MGRN1: variants seen among roughly 807,000 people sequenced by gnomAD.
MGRN1 encodes E3 ubiquitin-protein ligase MGRN1.
MGRN1 carries 29 observed loss-of-function variants against 69.2 expected under a neutral mutation model. The ratio of observed to expected loss-of-function variants is 0.42; its 90% CI spans 0.31 to 0.57. The LOEUF (loss-of-function observed/expected upper bound fraction) is 0.57. MGRN1 is among the 20% of genes least tolerant of loss of function. MGRN1 has a pLI of 0.15. For synonymous variants in MGRN1, 470 were observed against 344.2 expected (o/e 1.37, Z -4.04); for missense variants, 998 against 796.2 (o/e 1.25, Z -3.05).
chr16:4,624,875 G>T lies in MGRN1; in HGVS notation c.-86G>T. ...CGTGGACGAGCGTCCGTGCGGCCTG[G>T]TCCGGGCCATGTCCGCGTGAGGACC... On this transcript the variant is annotated 5_prime_UTR_variant, in exon 1 of 17. Coordinates refer to ENST00000262370, the MANE Select transcript of MGRN1 (RefSeq NM_015246.4). 1 of 1,239,046 alleles carries T rather than the reference G, an allele frequency of 8.1e-7. No individual in the cohort carries two copies. Among genetic ancestry groups the T allele is most frequent in the Non-Finnish European group, 1.1e-6 (1 of 913,286 alleles). The allele number at this position is 1,239,046 out of a possible 1,614,324, so 76.8% of individuals were successfully genotyped here. A position where few individuals can be genotyped will look rare whatever the true frequency, so the allele number is the denominator to read the frequency against.
intron 3 of MGRN1, among the ~76,000 whole-genome samples, chr16:4,652,422 CGACTA>C (rs926695132): frequency 3.3e-5 from 5 of 152,090 alleles, no homozygotes; most frequent in African/African-American, 1.2e-4. Flanking sequence ...CTGCTTAAAC[CGACTA>C]GACTTGAGGC....
At chr16:4,658,128 C>T (rs948857483) in intron 5 of MGRN1, among the ~76,000 whole-genome samples, 1 of 152,106 alleles carries the variant, frequency 6.6e-6, no homozygotes, top group Non-Finnish European at 1.5e-5. Context: ...GGCCCCTCTC[C>T]AGCTTTTAGT....
At chr16:4,651,916 G>T in intron 2 of MGRN1, 47 bp from the exon 3 acceptor site, 2 of 1,564,450 alleles carry the variant, frequency 1.3e-6, no homozygotes, top group Non-Finnish European at 1.8e-6. Context: ...TTCTGTTGTT[G>T]GCTGCTCCTG....
chr16:4,663,941 T>G (rs962797542), intron 5 of MGRN1: 1 of 152,530 alleles, frequency 6.6e-6, no homozygotes, highest in Non-Finnish European at 1.5e-5. Flanking sequence ...TCTCCCTTGC[T>G]TGCCTTTTGT....
At chr16:4,678,237 C>T (rs1384712280) in intron 11 of MGRN1, among the ~76,000 whole-genome samples, 1 of 152,224 alleles carries the variant, frequency 6.6e-6, no homozygotes. Flanking sequence ...CCAGGCCCAC[C>T]AGGCGCCCTC....
intron 16 of MGRN1, chr16:4,687,814 G>C: frequency 1.0e-6 from 1 of 985,486 alleles, no homozygotes; most frequent in Non-Finnish European, 1.2e-6. Flanking sequence ...AGCCGGGTCA[G>C]GGAGAACTTC....
chr16:4,679,036 G>A (rs540480844), intron 11 of MGRN1, among the ~76,000 whole-genome samples: 2 of 152,344 alleles, frequency 1.3e-5, no homozygotes, highest in South Asian at 4.1e-4. Flanking sequence ...AACATGGCTT[G>A]GGGGTCCCTG....
At position 4,664,774 on chromosome 16, in the gene MGRN1, T is replaced by C. The variant is rs1401760451; in HGVS notation, c.627T>C (p.Asp209=). Residue 209 remains aspartate, a splice_region_variant and synonymous_variant, in exon 6 of 17, where the codon GAT becomes GAC. Transcript: ENST00000262370. ...VVIQAVVDEG[D]VVEVTGHAHV... ...TCCAGGCTGTGGTGGACGAAGGAGA[T>C]GGTGAGTGCGTCCTCTTCCGTCCTC... 6.2e-7 allele frequency: 1 copy of C among 1,614,072 alleles called. No individual in the cohort carries two copies.
rs373812399 is a variant in MGRN1, at chr16:4,683,276, G to T, written c.1528+7G>T. 5.6e-6 allele frequency: 9 copies of T among 1,613,470 alleles called. No individual in the cohort carries two copies. Among genetic ancestry groups the T allele is most frequent in the Admixed American group, 3.3e-5 (2 of 60,000 alleles). ...TCGTCGTCACCACAGCAAGGTGAGC[G>T]CCTCCTTCCATGGGCACAAACCGCA... is the stretch of plus-strand genomic sequence containing the variant. On this transcript the variant is annotated splice_region_variant and intron_variant, in intron 15 of 16. Coordinates refer to ENST00000262370, the MANE Select transcript of MGRN1 (RefSeq NM_015246.4).
chr16:4,649,464 C>A (rs2078353344), intron 1 of MGRN1: 1 of 152,192 alleles, frequency 6.6e-6, no homozygotes, highest in African/African-American at 2.4e-5. Context: ...CTCCTGGGGC[C>A]CCAGGCACTC....
intron 9 of MGRN1, among the ~76,000 whole-genome samples, 161 bp downstream of exon 9, chr16:4,671,620 T>C (rs1019703952): frequency 1.3e-5 from 2 of 152,134 alleles, no homozygotes; most frequent in Admixed American, 6.5e-5. Context: ...GCTAACAGTT[T>C]AGGGAACATT....
Position 4,689,096 on chromosome 16 carries a change from G to A in MGRN1, c.*188G>A, listed in dbSNP as rs2079401850. 1 of 738,006 alleles carries A rather than the reference G, an allele frequency of 1.4e-6. No homozygotes were observed. The highest frequency in any genetic ancestry group is 2.9e-5 in the East Asian group (1 of 34,470). 45.7% of individuals were successfully genotyped at this position (738,006 alleles called of 1,614,324 possible). ...CCCTTCTGAGTCTCCCTTTTCTACA[G>A]TTGATATATTTGTAACTGGTACAAG... is the stretch of plus-strand genomic sequence containing the variant. On this transcript the variant is annotated 3_prime_UTR_variant, in exon 17 of 17. Coordinates refer to ENST00000262370, the MANE Select transcript of MGRN1 (RefSeq NM_015246.4).
At chr16:4,661,013 A>G (rs576825246) in intron 5 of MGRN1, among the ~76,000 whole-genome samples, 57 of 151,752 alleles carry the variant, frequency 3.8e-4, no homozygotes, top group Non-Finnish European at 5.7e-4. Context: ...ACAGGGGCTC[A>G]CTCTGTCTCC....
intron 1 of MGRN1, among the ~76,000 whole-genome samples, chr16:4,648,662 G>A (rs1422708910): frequency 2.1e-5 from 2 of 93,234 alleles, no homozygotes; most frequent in Non-Finnish European, 4.0e-5. Flanking sequence ...TCCTCCTCCC[G>A]GGGACTCTTC....
chr16:4,687,209 C>CG (rs2079343897), intron 16 of MGRN1: 1 of 984,828 alleles, frequency 1.0e-6, no homozygotes, highest in Non-Finnish European at 1.2e-6. Flanking sequence ...ATCCCCCATC[C>CG]CCCCCAAGAG....
chr16:4,645,237 A>C (rs2141862414), intron 1 of MGRN1, among the ~76,000 whole-genome samples: 1 of 152,158 alleles, frequency 6.6e-6, no homozygotes, highest in South Asian at 2.1e-4. Context: ...ATCATGGCTT[A>C]CTGCAGCCTC....
At chr16:4,680,982 G>A (rs926493763) in intron 12 of MGRN1, among the ~76,000 whole-genome samples, 1 of 152,242 alleles carries the variant, frequency 6.6e-6, no homozygotes, top group Non-Finnish European at 1.5e-5. Flanking sequence ...CCGTTCCCCA[G>A]AACCTGGGCA....
chr16:4,626,238 G>T lies in MGRN1; in HGVS notation c.88+1190G>T, dbSNP rs1897672322. Among the ~76,000 whole-genome samples, 2 of 152,248 alleles carry T rather than the reference G, an allele frequency of 1.3e-5. 1 individual carries two copies. The highest frequency in any genetic ancestry group is 4.1e-4 in the South Asian group (2 of 4,836). ...AAGGGGATGGACTCAGAGCTAGGCA[G>T]AACGCACTGTTGCCTGCCTGCTGGG... On this transcript the variant is annotated intron_variant, in intron 1 of 16. Transcript: ENST00000262370.
chr16:4,660,507 C>T (rs1022692970), intron 5 of MGRN1, among the ~76,000 whole-genome samples: 4 of 152,254 alleles, frequency 2.6e-5, no homozygotes, highest in South Asian at 2.1e-4. Flanking sequence ...ACAGCTCACT[C>T]AGAGGCTCCT....
Sources: gnomAD v4.1 joint callset for allele counts (sites outside exome capture counted in the v4.1 genomes callset) on GRCh38, gnomAD v4.1.1 for gene constraint, MANE v1.5 for transcripts, NCBI Gene and HGNC (gene_info 2026-07-23, HGNC 2026-07-21) for gene names.